Variants in AFMID observed in about 807,000 individuals in gnomAD.
AFMID encodes the protein arylformamidase, also known as kynurenine formamidase.
A neutral mutation model predicts 47.5 loss-of-function variants in AFMID; 39 were observed. The observed-to-expected ratio is 0.82, with a 90% CI of 0.64 to 1.07. AFMID has a LOEUF of 1.07. Among genes scored for constraint, AFMID ranks in the 50% least tolerant of loss-of-function variants. The pLI is 0.00. For synonymous variants in AFMID, 130 were observed against 153.2 expected, an observed-to-expected ratio of 0.85 and a Z score of 1.12; for missense variants, 375 against 387.5, an observed-to-expected ratio of 0.97 and a Z score of 0.27.
At chr17:78,188,386 G>C (rs8071253) in intron 1 of AFMID, among the ~76,000 whole-genome samples, 2 of 152,056 alleles carry the variant, frequency 1.3e-5, no homozygotes, top group Middle Eastern at 3.2e-3. Context: ...TATTTTACTC[G>C]CATGCTTTAT....
chr17:78,200,806 C>T (rs8069810), intron 2 of AFMID, among the ~76,000 whole-genome samples: 5,269 of 152,282 alleles, frequency 0.035, 238 homozygotes, highest in East Asian at 0.23. Flanking sequence ...TACTTTGTTA[C>T]AGCTGCCCTG....
chr17:78,198,598 C>T (rs974062274), intron 2 of AFMID, among the ~76,000 whole-genome samples: 5 of 150,032 alleles, frequency 3.3e-5, no homozygotes, highest in Admixed American at 1.3e-4. Context: ...GAGATTGCGC[C>T]GTTGCACTCC....
intron 2 of AFMID, among the ~76,000 whole-genome samples, chr17:78,199,741 A>G (rs1485143795): frequency 6.6e-6 from 1 of 152,118 alleles, no homozygotes; most frequent in African/African-American, 2.4e-5. Flanking sequence ...AGGGACAGGG[A>G]TCCCAAGTTG....
intron 1 of AFMID, among the ~76,000 whole-genome samples, chr17:78,187,693 G>A (rs75062058): frequency 0.13 from 20,234 of 152,038 alleles, 2,261 homozygotes; most frequent in African/African-American, 0.28. Context: ...CCTGCCAGGC[G>A]TGGCGGCTCA....
intron 2 of AFMID, chr17:78,192,692 C>CT (rs201690565): frequency 0.042 from 19,816 of 470,428 alleles, 536 homozygotes; most frequent in South Asian, 0.048. Flanking sequence ...ATTTCCATCT[C>CT]TACCCTGTAT....
rs554266631 is a variant in AFMID, at chr17:78,188,519, A to T, written c.63+1086A>T. Among the ~76,000 whole-genome samples, 32 of 152,092 alleles carry T rather than the reference A, an allele frequency of 2.1e-4. No individual in the cohort carries two copies. The South Asian group carries it at 6.4e-3, about 31-fold the overall frequency. Reference sequence around the variant, plus strand: ...ACTGCAACCTCTACCTCCCGGGTTCAAGTGATTCTCCTGCCTCAGCCTCCC... The same window carrying T: ...ACTGCAACCTCTACCTCCCGGGTTCTAGTGATTCTCCTGCCTCAGCCTCCC... On this transcript the variant is annotated intron_variant, in intron 1 of 10. Transcript: ENST00000409257.
intron 2 of AFMID, among the ~76,000 whole-genome samples, chr17:78,201,864 G>A (rs965077879): frequency 4.6e-5 from 7 of 151,738 alleles, no homozygotes; most frequent in Admixed American, 4.6e-4. Flanking sequence ...CTGAGTAGCT[G>A]GGACTACAGG....
intron 1 of AFMID, among the ~76,000 whole-genome samples, chr17:78,188,371 T>G (rs1431462807): frequency 6.6e-6 from 1 of 152,148 alleles, no homozygotes; most frequent in Non-Finnish European, 1.5e-5. Flanking sequence ...CTGACTGGCT[T>G]GCTTTATTTT....
At chr17:78,188,298 A>T (rs2075858187) in intron 1 of AFMID, among the ~76,000 whole-genome samples, 1 of 152,190 alleles carries the variant, frequency 6.6e-6, no homozygotes, top group South Asian at 2.1e-4. Context: ...CCAGGTACAG[A>T]TTGGACAGAT....
At chr17:78,190,107 G>A (rs113645781) in intron 1 of AFMID, among the ~76,000 whole-genome samples, 80 of 151,404 alleles carry the variant, frequency 5.3e-4, no homozygotes, top group African/African-American at 1.9e-3. Flanking sequence ...GATTACAGGC[G>A]TGAGCCACCG....
intron 1 of AFMID, among the ~76,000 whole-genome samples, chr17:78,187,758 C>T (rs562642006): frequency 6.6e-6 from 1 of 152,050 alleles, no homozygotes; most frequent in South Asian, 2.1e-4. Flanking sequence ...TCGAGACCAG[C>T]CTGGCCAACA....
Position 78,191,072 on chromosome 17 carries a change from A to G in AFMID, c.154+12A>G. The G allele has an allele frequency of 6.2e-7, 1 of 1,610,342 alleles. No homozygotes were observed. The highest frequency in any genetic ancestry group is 8.5e-7 in the Non-Finnish European group (1 of 1,177,838). ...GATAGGAATTGAAGGTACTAGTGTG[A>G]CCTCTCCGTGGCCGCATTGGGTGTC... is the stretch of plus-strand genomic sequence containing the variant. On this transcript the variant is annotated intron_variant, in intron 2 of 10. Transcript: ENST00000409257.
chr17:78,195,260 T>C (rs551979970), intron 2 of AFMID, among the ~76,000 whole-genome samples: 59 of 152,048 alleles, frequency 3.9e-4, no homozygotes, highest in Non-Finnish European at 1.0e-4. Context: ...AGTGGTGCTA[T>C]GTCATCTCAC....
At chr17:78,190,234 T>G (rs1417475760) in intron 1 of AFMID, among the ~76,000 whole-genome samples, 3 of 151,788 alleles carry the variant, frequency 2.0e-5, no homozygotes, top group Non-Finnish European at 4.4e-5. Flanking sequence ...CCGCCCCTCC[T>G]CCTCCAGCCC....
intron 1 of AFMID, among the ~76,000 whole-genome samples, chr17:78,187,960 CAAAAAAAAAA>C (rs34018698): frequency 1.1e-4 from 6 of 56,660 alleles, no homozygotes; most frequent in East Asian, 9.3e-4. Flanking sequence ...GACTTAGTCT[CAAAAAAAAAA>C]AAAAAAAAAA....
intron 4 of AFMID, chr17:78,204,123 A>G (rs2076316276): frequency 1.3e-5 from 2 of 158,764 alleles, no homozygotes; most frequent in African/African-American, 4.8e-5. Flanking sequence ...AGGGAACATA[A>G]TTGCCTCTAT....
intron 2 of AFMID, among the ~76,000 whole-genome samples, chr17:78,193,273 A>T (rs1301751220): frequency 1.4e-5 from 2 of 147,548 alleles, no homozygotes; most frequent in Non-Finnish European, 3.0e-5. Flanking sequence ...CAGGAGGCTG[A>T]GGCAGGAGAA....
chr17:78,205,431 C>T lies in AFMID; in HGVS notation c.566-9C>T, dbSNP rs2076353337. The T allele has an allele frequency of 1.9e-6, 3 of 1,613,928 alleles. No individual in the cohort carries two copies. In the African/African-American group the frequency reaches 4.0e-5, roughly 22 times the overall value. On this transcript the variant is annotated splice_polypyrimidine_tract_variant and intron_variant, in intron 7 of 10. Coordinates refer to ENST00000409257, the MANE Select transcript of AFMID (RefSeq NM_001010982.5). ...AGCCTGGCCCTGTGACAATTCTGTA[C>T]CTTCACAGGCTTTTTCCTGGTGAGT...
In AFMID at chr17:78,187,377, G is replaced by A. The variant is rs767731459; in HGVS notation, c.7G>A (p.Asp3Asn). 4 of 1,613,856 alleles carry A rather than the reference G, an allele frequency of 2.5e-6. No homozygotes were observed. The highest frequency in any genetic ancestry group is 3.4e-6 in the Non-Finnish European group (4 of 1,179,984). Residue 3 changes from aspartate to asparagine, a missense_variant, in exon 1 of 11, where the codon GAT (aspartate) becomes AAT (asparagine). Asp to Asn is a conservative substitution (Grantham distance 23). Transcript: ENST00000409257. ...CCATGCGGCTGTAGACGCCATGATG[G>A]ATGTGTCTGGTGTGGGTTTCCCAAG... MM[D>N]VSGVGFPSKV...
Sources: allele counts gnomAD v4.1 joint callset (sites outside exome capture counted in the v4.1 genomes callset), GRCh38; gene constraint gnomAD v4.1.1; transcripts MANE v1.5; gene names NCBI Gene and HGNC (gene_info 2026-07-23, HGNC 2026-07-21).